Variants in GRIK2 observed in about 807,000 individuals in gnomAD.
The protein encoded by GRIK2 is glutamate ionotropic receptor kainate type subunit 2.
A neutral mutation model predicts 100.3 loss-of-function variants in GRIK2; 32 were observed. The ratio of observed to expected loss-of-function variants is 0.32; its 90% CI spans 0.24 to 0.43. The LOEUF (loss-of-function observed/expected upper bound fraction) is 0.43, where lower values mean the gene tolerates loss of function less well. GRIK2 is among the 20% of genes least tolerant of loss of function. The pLI, the probability that GRIK2 is intolerant of heterozygous loss-of-function variation, is 1.00. For missense variants in GRIK2, 843 were observed against 1,114.9 expected, an observed-to-expected ratio of 0.76 and a Z score of 3.47; for synonymous variants, 417 against 389.4, an observed-to-expected ratio of 1.07 and a Z score of -0.83.
chr6:101,636,759 G>A (rs906958396), intron 4 of GRIK2, among the ~76,000 whole-genome samples: 1 of 151,380 alleles, frequency 6.6e-6, no homozygotes, highest in Non-Finnish European at 1.5e-5. Context: ...ATTTTGGGGG[G>A]GCGGGGAAAT....
intron 7 of GRIK2, among the ~76,000 whole-genome samples, chr6:101,792,116 G>A (rs1186463075): frequency 6.6e-6 from 1 of 151,714 alleles, no homozygotes; most frequent in Non-Finnish European, 1.5e-5. Context: ...CACGTGAGAT[G>A]GGTTTCCTGA....
At chr6:101,797,397 C>G (rs1174469032) in intron 7 of GRIK2, among the ~76,000 whole-genome samples, 1 of 151,630 alleles carries the variant, frequency 6.6e-6, no homozygotes, top group Non-Finnish European at 1.5e-5. Flanking sequence ...CACTTGTTAG[C>G]TGTGTGATTT....
intron 14 of GRIK2, among the ~76,000 whole-genome samples, chr6:101,934,941 A>T (rs1012901740): frequency 6.6e-6 from 1 of 152,016 alleles, no homozygotes; most frequent in Non-Finnish European, 1.5e-5. Flanking sequence ...AAGATGAGAA[A>T]TATTATCTAG....
At chr6:101,909,115 TA>T (rs1788453327) in intron 12 of GRIK2, among the ~76,000 whole-genome samples, 1 of 151,284 alleles carries the variant, frequency 6.6e-6, no homozygotes, top group African/African-American at 2.4e-5. Context: ...ATTAAGGTAC[TA>T]CCAGCTGTTA....
At chr6:101,934,690 A>G (rs1365780949) in intron 14 of GRIK2, among the ~76,000 whole-genome samples, 1 of 151,960 alleles carries the variant, frequency 6.6e-6, no homozygotes, top group East Asian at 1.9e-4. Context: ...AATATAGGCA[A>G]AACAGAATTG....
intron 2 of GRIK2, among the ~76,000 whole-genome samples, chr6:101,476,251 C>T (rs950035301): frequency 5.9e-5 from 9 of 152,076 alleles, no homozygotes; most frequent in Admixed American, 5.9e-4. Context: ...ATCTATGTGG[C>T]TGTATTGTCT....
intron 2 of GRIK2, among the ~76,000 whole-genome samples, chr6:101,606,678 A>T (rs865828352): frequency 6.6e-6 from 1 of 152,014 alleles, no homozygotes; most frequent in African/African-American, 2.4e-5. Flanking sequence ...GTGAGTTCAT[A>T]TAAGTATGGT....
chr6:101,577,998 T>C (rs1777870908), intron 2 of GRIK2, among the ~76,000 whole-genome samples: 1 of 152,118 alleles, frequency 6.6e-6, no homozygotes, highest in African/African-American at 2.4e-5. Flanking sequence ...TGGCAGCTCA[T>C]CCATGCAGTG....
intron 7 of GRIK2, among the ~76,000 whole-genome samples, chr6:101,708,753 A>T (rs949763955): frequency 2.6e-5 from 4 of 151,812 alleles, no homozygotes; most frequent in African/African-American, 9.7e-5. Flanking sequence ...AATTTTTGAC[A>T]TATATTTTCA....
intron 2 of GRIK2, among the ~76,000 whole-genome samples, chr6:101,439,322 A>C (rs1212816749): frequency 6.6e-6 from 1 of 152,136 alleles, no homozygotes; most frequent in African/African-American, 2.4e-5. Context: ...TTATGCATAA[A>C]GAGCATCTTG....
intron 11 of GRIK2, among the ~76,000 whole-genome samples, chr6:101,883,825 A>G (rs1300728891): frequency 6.6e-6 from 1 of 152,312 alleles, no homozygotes; most frequent in East Asian, 1.9e-4. Context: ...TGTTGAAACA[A>G]CAGTGAGAAA....
intron 11 of GRIK2, among the ~76,000 whole-genome samples, chr6:101,878,885 G>GTA (rs1164328248): frequency 6.6e-6 from 1 of 152,004 alleles, no homozygotes; most frequent in Non-Finnish European, 1.5e-5. Context: ...GGATCAAGCA[G>GTA]TATGTACTGA....
chr6:101,737,575 G>A (rs758971223), intron 7 of GRIK2, among the ~76,000 whole-genome samples: 7 of 152,126 alleles, frequency 4.6e-5, no homozygotes, highest in Non-Finnish European at 1.0e-4. Context: ...CCAATGATTT[G>A]ATGATCTCTC....
intron 12 of GRIK2, among the ~76,000 whole-genome samples, chr6:101,894,088 A>G (rs1008700464): frequency 2.6e-5 from 4 of 151,572 alleles, no homozygotes; most frequent in African/African-American, 9.7e-5. Flanking sequence ...CTGCTCTACT[A>G]TCATATTAAT....
chr6:101,784,872 A>T (rs927888738), intron 7 of GRIK2, among the ~76,000 whole-genome samples: 8 of 152,202 alleles, frequency 5.3e-5, no homozygotes, highest in Admixed American at 6.5e-5. Context: ...ACCCAGTCTC[A>T]GGTAGTATCT....
chr6:101,856,296 A>G (rs1784422007), intron 10 of GRIK2, among the ~76,000 whole-genome samples: 1 of 152,220 alleles, frequency 6.6e-6, no homozygotes, highest in Non-Finnish European at 1.5e-5. Context: ...CATTTTCTAA[A>G]AGCAGAGAAA....
intron 14 of GRIK2, among the ~76,000 whole-genome samples, chr6:101,948,735 A>G (rs1479896929): frequency 6.6e-6 from 1 of 151,928 alleles, no homozygotes; most frequent in Non-Finnish European, 1.5e-5. Flanking sequence ...TCAGCCTCCC[A>G]AAGCGTTGGG....
At chr6:101,941,155 G>T (rs1790929040) in intron 14 of GRIK2, among the ~76,000 whole-genome samples, 1 of 151,916 alleles carries the variant, frequency 6.6e-6, no homozygotes, top group Admixed American at 6.6e-5. Context: ...TAAACCATAT[G>T]ATTATTAAAT....
At chr6:101,905,284 A>G (rs1025799434) in intron 12 of GRIK2, among the ~76,000 whole-genome samples, 49 of 151,698 alleles carry the variant, frequency 3.2e-4, no homozygotes, top group African/African-American at 1.2e-3. Flanking sequence ...AAAGGATTAT[A>G]TGGTCCATCC....
Sources: allele counts gnomAD v4.1 joint callset (sites outside exome capture counted in the v4.1 genomes callset), GRCh38; gene constraint gnomAD v4.1.1; transcripts MANE v1.5; gene names NCBI Gene and HGNC (gene_info 2026-07-23, HGNC 2026-07-21).